Variants in INPP4B observed in about 807,000 individuals in gnomAD.
The protein encoded by INPP4B is inositol polyphosphate-4-phosphatase type II B.
Under a neutral mutation model 122.5 loss-of-function variants are expected in INPP4B, and 55 were observed. The observed-to-expected ratio is 0.45, with a 90% CI of 0.36 to 0.56. INPP4B has a LOEUF of 0.56. Among genes scored for constraint, INPP4B ranks in the 20% least tolerant of loss-of-function variants. The pLI is 0.00. For missense variants in INPP4B, 1,000 were observed against 1,097.7 expected, an observed-to-expected ratio of 0.91 and a Z score of 1.26; for synonymous variants, 403 against 388.7, an observed-to-expected ratio of 1.04 and a Z score of -0.43.
chr4:142,256,415 A>G (rs1434308310), intron 11 of INPP4B, among the ~76,000 whole-genome samples: 1 of 152,132 alleles, frequency 6.6e-6, no homozygotes, highest in Non-Finnish European at 1.5e-5. Context: ...TGAATCCAGG[A>G]GCTGGTTTTT....
chr4:142,146,548 T>C (rs1025601885), intron 17 of INPP4B, among the ~76,000 whole-genome samples: 2 of 152,166 alleles, frequency 1.3e-5, no homozygotes, highest in African/African-American at 4.8e-5. Context: ...TTCACATTCC[T>C]TCCTCTTCCA....
intron 1 of INPP4B, among the ~76,000 whole-genome samples, chr4:142,830,142 T>C (rs1781946284): frequency 6.6e-6 from 1 of 152,090 alleles, no homozygotes; most frequent in African/African-American, 2.4e-5. Flanking sequence ...ACTGATCTAA[T>C]GGTTATAGAT....
intron 2 of INPP4B, among the ~76,000 whole-genome samples, chr4:142,477,413 C>A (rs1240479782): frequency 6.6e-6 from 1 of 151,478 alleles, no homozygotes; most frequent in Non-Finnish European, 1.5e-5. Context: ...CCAACCCCAA[C>A]ACTAGCAAAA....
chr4:142,413,037 T>G (rs1804933910), intron 5 of INPP4B, among the ~76,000 whole-genome samples: 1 of 152,148 alleles, frequency 6.6e-6, no homozygotes, highest in Non-Finnish European at 1.5e-5. Context: ...CTCCTTAACT[T>G]TTGTGTGGGA....
At chr4:142,581,773 C>A (rs1031091558) in intron 2 of INPP4B, among the ~76,000 whole-genome samples, 17 of 151,878 alleles carry the variant, frequency 1.1e-4, no homozygotes, top group African/African-American at 3.9e-4. Flanking sequence ...ATAGGCATAT[C>A]ATTTTGCATA....
intron 1 of INPP4B, chr4:142,767,868 G>C (rs1225538946): frequency 2.0e-5 from 3 of 152,184 alleles, no homozygotes; most frequent in Non-Finnish European, 4.4e-5. Context: ...GTTGCCCTGA[G>C]AATGTTAAAT....
At chr4:142,627,015 AT>A (rs1746593488) in intron 2 of INPP4B, among the ~76,000 whole-genome samples, 1 of 151,986 alleles carries the variant, frequency 6.6e-6, no homozygotes, top group Non-Finnish European at 1.5e-5. Context: ...GAGGCTGTAT[AT>A]TCTATCACTG....
intron 2 of INPP4B, among the ~76,000 whole-genome samples, chr4:142,508,207 A>T (rs149104864): frequency 1.8e-4 from 28 of 152,242 alleles, no homozygotes; most frequent in Non-Finnish European, 2.8e-4. Flanking sequence ...TGGCCTAATC[A>T]CTTTGACCAG....
intron 11 of INPP4B, among the ~76,000 whole-genome samples, chr4:142,253,706 G>A (rs566088609): frequency 3.9e-5 from 6 of 152,326 alleles, no homozygotes; most frequent in Admixed American, 2.0e-4. Context: ...AGGGTCCTAC[G>A]CCCACGGAGT....
At position 142,024,043 on chromosome 4, in the gene INPP4B, G is replaced by T. The variant is rs1351244896; in HGVS notation, c.*4739C>A. The T allele has an allele frequency of 3.3e-5, 5 of 150,836 alleles. No homozygotes were observed. The highest frequency in any genetic ancestry group is 7.3e-5 in the African/African-American group (3 of 40,908). 9.3% of individuals were successfully genotyped at this position (150,836 alleles called of 1,614,324 possible). ...TTAGAAATGTTTGATTCTCTTATTTGCTTAGAAATAGAATTCAATGAGTGA... is the reference window on the plus strand; with the variant it reads ...TTAGAAATGTTTGATTCTCTTATTTTCTTAGAAATAGAATTCAATGAGTGA... On this transcript the variant is annotated 3_prime_UTR_variant, in exon 26 of 26. Transcript: ENST00000262992.
chr4:142,113,356 T>C (rs1791237839), intron 21 of INPP4B, among the ~76,000 whole-genome samples: 4 of 152,062 alleles, frequency 2.6e-5, no homozygotes, highest in Admixed American at 2.6e-4. Context: ...CATCTTCTGA[T>C]ACAGTGTGAA....
intron 1 of INPP4B, among the ~76,000 whole-genome samples, chr4:142,845,333 A>G (rs1298753067): frequency 1.3e-5 from 2 of 152,108 alleles, no homozygotes; most frequent in African/African-American, 2.4e-5. Flanking sequence ...CCTCATCTTC[A>G]TATCAGCTAC....
chr4:142,821,314 T>C (rs1415023282), intron 1 of INPP4B, among the ~76,000 whole-genome samples: 1 of 152,134 alleles, frequency 6.6e-6, no homozygotes, highest in East Asian at 1.9e-4. Context: ...GTTAGATTTA[T>C]ATTTTAGTTA....
At chr4:142,136,234 T>C (rs1804151503) in intron 18 of INPP4B, among the ~76,000 whole-genome samples, 1 of 152,068 alleles carries the variant, frequency 6.6e-6, no homozygotes, top group Non-Finnish European at 1.5e-5. Context: ...GGGTGGGAAG[T>C]GATCATTGGG....
chr4:142,533,744 T>C (rs907235296), intron 2 of INPP4B, among the ~76,000 whole-genome samples: 1 of 152,152 alleles, frequency 6.6e-6, no homozygotes, highest in African/African-American at 2.4e-5. Context: ...TATAAGAATA[T>C]GACCCACCCT....
At chr4:142,454,518 T>C (rs571893697) in intron 3 of INPP4B, among the ~76,000 whole-genome samples, 83 of 152,088 alleles carry the variant, frequency 5.5e-4, no homozygotes, top group Non-Finnish European at 1.0e-3. Context: ...ATGGCTGTTT[T>C]TTATTGTTTT....
chr4:142,071,417 T>C (rs1183098829), intron 25 of INPP4B, among the ~76,000 whole-genome samples: 6 of 152,244 alleles, frequency 3.9e-5, no homozygotes, highest in African/African-American at 1.4e-4. Context: ...ATTCAGGACA[T>C]AGGCATGGGC....
intron 1 of INPP4B, among the ~76,000 whole-genome samples, chr4:142,739,897 C>A (rs1767654061): frequency 6.6e-6 from 1 of 152,046 alleles, no homozygotes; most frequent in Non-Finnish European, 1.5e-5. Flanking sequence ...ATTGCTCTTA[C>A]TCTTCACAAT....
chr4:142,756,230 G>A (rs952874743), intron 1 of INPP4B, among the ~76,000 whole-genome samples: 3 of 152,046 alleles, frequency 2.0e-5, no homozygotes, highest in African/African-American at 7.2e-5. Context: ...GCCATTTTGG[G>A]ACCATGAAGG....
Sources: allele counts gnomAD v4.1 joint callset (sites outside exome capture counted in the v4.1 genomes callset), GRCh38; gene constraint gnomAD v4.1.1; transcripts MANE v1.5; gene names NCBI Gene and HGNC (gene_info 2026-07-23, HGNC 2026-07-21).